Variants in UGT2B7 observed in about 807,000 individuals in gnomAD.
The protein encoded by UGT2B7 is UDP-glucuronosyltransferase 2B7.
Under a neutral mutation model 51.9 loss-of-function variants are expected in UGT2B7, and 51 were observed. The observed-to-expected ratio is 0.98, with a 90% CI of 0.78 to 1.24. The LOEUF (loss-of-function observed/expected upper bound fraction) is 1.24, where lower values mean the gene tolerates loss of function less well. UGT2B7 is among the 50% of genes most tolerant of loss of function. The pLI is 0.00. For synonymous variants in UGT2B7, 225 were observed against 211.6 expected (o/e 1.06, Z -0.55); for missense variants, 727 against 628.4 (o/e 1.16, Z -1.68).
At chr4:69,059,600 C>A (rs1349113026) in intron 1 of UGT2B7, among the ~76,000 whole-genome samples, 2 of 152,110 alleles carry the variant, frequency 1.3e-5, no homozygotes, top group South Asian at 4.1e-4. Flanking sequence ...AGTAACCCAC[C>A]TGGACTGGCT....
intron 1 of UGT2B7, among the ~76,000 whole-genome samples, chr4:69,080,286 A>T (rs4632729): frequency 6.6e-6 from 1 of 151,866 alleles, no homozygotes; most frequent in African/African-American, 2.4e-5. Flanking sequence ...GGTGGCTCAC[A>T]CCTGTAATCC....
intron 1 of UGT2B7, among the ~76,000 whole-genome samples, chr4:69,085,660 T>G (rs1008507034): frequency 6.6e-6 from 1 of 151,928 alleles, no homozygotes; most frequent in Non-Finnish European, 1.5e-5. Context: ...CATGGTTTTT[T>G]GTTTTTGTTT....
intron 1 of UGT2B7, among the ~76,000 whole-genome samples, chr4:69,055,841 T>G (rs1718179196): frequency 6.6e-6 from 1 of 152,184 alleles, no homozygotes; most frequent in African/African-American, 2.4e-5. Flanking sequence ...AAGGATTCGC[T>G]CATCCTGTAA....
intron 1 of UGT2B7, among the ~76,000 whole-genome samples, chr4:69,053,332 A>G (rs1718090265): frequency 6.6e-6 from 1 of 152,218 alleles, no homozygotes; most frequent in African/African-American, 2.4e-5. Context: ...GGAAACATTC[A>G]TTTTACTAGA....
At chr4:69,071,528 G>C (rs568219969) in intron 1 of UGT2B7, among the ~76,000 whole-genome samples, 2 of 151,998 alleles carry the variant, frequency 1.3e-5, no homozygotes, top group Non-Finnish European at 2.9e-5. Context: ...CAGAGAAGAA[G>C]GGAACAAACT....
chr4:69,093,110 A>G (rs1719125495), upstream of UGT2B7, among the ~76,000 whole-genome samples: 1 of 152,084 alleles, frequency 6.6e-6, no homozygotes, highest in African/African-American at 2.4e-5. Flanking sequence ...GCTCTGTCCC[A>G]GGGAGTTTTC....
chr4:69,055,005 G>C (rs1718145081), intron 1 of UGT2B7, among the ~76,000 whole-genome samples: 1 of 147,360 alleles, frequency 6.8e-6, no homozygotes, highest in Non-Finnish European at 1.5e-5. Context: ...TGTAATCCAG[G>C]AAGTGACCAG....
chr4:69,091,491 A>G (rs1179609726), upstream of UGT2B7, among the ~76,000 whole-genome samples: 2 of 152,156 alleles, frequency 1.3e-5, no homozygotes, highest in East Asian at 1.9e-4. Context: ...TTCTGGATAC[A>G]TAATTTTTTG....
chr4:69,052,569 C>CAAAAAAAAAAAAAAAAAAAAAAAAAA (rs1204317464), intron 1 of UGT2B7, among the ~76,000 whole-genome samples: 1 of 64,712 alleles, frequency 1.5e-5, no homozygotes, highest in Non-Finnish European at 2.8e-5. Flanking sequence ...TGGTTATCTT[C>CAAAAAAAAAAAAAAAAAAAAAAAAAA]AAAAAAAAAA....
intron 2 of UGT2B7, among the ~76,000 whole-genome samples, chr4:69,100,378 T>A (rs985587970): frequency 5.9e-5 from 9 of 152,100 alleles, no homozygotes; most frequent in Admixed American, 5.3e-4. Context: ...TAAATTAATA[T>A]CACACTTTTA....
chr4:69,054,295 A>C (rs1379691958), intron 1 of UGT2B7, among the ~76,000 whole-genome samples: 1 of 152,086 alleles, frequency 6.6e-6, no homozygotes, highest in Non-Finnish European at 1.5e-5. Flanking sequence ...ATCTCTCAAA[A>C]CAAAAAGACA....
chr4:69,087,333 T>A (rs1338998749), intron 1 of UGT2B7, among the ~76,000 whole-genome samples: 1 of 152,014 alleles, frequency 6.6e-6, no homozygotes, highest in Non-Finnish European at 1.5e-5. Context: ...TATTTTGACA[T>A]AATTTTGTCT....
chr4:69,063,553 T>C (rs1718405946), intron 1 of UGT2B7, among the ~76,000 whole-genome samples: 1 of 152,118 alleles, frequency 6.6e-6, no homozygotes, highest in East Asian at 1.9e-4. Flanking sequence ...TAGAATAGAC[T>C]GGCTTCAGAC....
At chr4:69,095,657 A>G (rs1719203526), upstream of UGT2B7, among the ~76,000 whole-genome samples, 1 of 152,210 alleles carries the variant, frequency 6.6e-6, no homozygotes, top group Admixed American at 6.5e-5. Flanking sequence ...TGCTGAATGT[A>G]CTACAAGCTT....
At chr4:69,078,585 C>A (rs528422171) in intron 1 of UGT2B7, among the ~76,000 whole-genome samples, 4 of 152,096 alleles carry the variant, frequency 2.6e-5, no homozygotes, top group Non-Finnish European at 5.9e-5. Flanking sequence ...TAGAGGAGCC[C>A]CTTCTGATTA....
chr4:69,066,151 CAT>C (rs1718478832), intron 1 of UGT2B7, among the ~76,000 whole-genome samples: 1 of 152,166 alleles, frequency 6.6e-6, no homozygotes. Context: ...CAATTTCACT[CAT>C]AGAACAAGGT....
At chr4:69,094,860 A>C (rs1167786208), upstream of UGT2B7, among the ~76,000 whole-genome samples, 4 of 152,212 alleles carry the variant, frequency 2.6e-5, no homozygotes, top group East Asian at 7.7e-4. Context: ...AGTAAGTTTA[A>C]GTAATATTCT....
intron 1 of UGT2B7, among the ~76,000 whole-genome samples, chr4:69,057,648 G>A (rs1270468495): frequency 6.6e-6 from 1 of 152,200 alleles, no homozygotes; most frequent in South Asian, 2.1e-4. Context: ...TCTGAGCAAA[G>A]TGTAGGAACA....
At chr4:69,104,579 T>C (rs1233923206) in intron 3 of UGT2B7, among the ~76,000 whole-genome samples, 2 of 152,144 alleles carry the variant, frequency 1.3e-5, no homozygotes, top group East Asian at 1.9e-4. Flanking sequence ...GATGCTAAAA[T>C]AATACAGAGG....
Sources: gnomAD v4.1 joint callset for allele counts (sites outside exome capture counted in the v4.1 genomes callset) on GRCh38, gnomAD v4.1.1 for gene constraint, MANE v1.5 for transcripts, NCBI Gene and HGNC (gene_info 2026-07-23, HGNC 2026-07-21) for gene names.